The following PATL2 variants were observed in gnomAD, a reference collection of about 807,000 sequenced individuals.
PATL2 encodes PAT1 homolog 2, also known as protein PAT1 homolog 2.
In PATL2, 73 loss-of-function variants were observed where a neutral mutation model predicts 77.0. The ratio of observed to expected loss-of-function variants is 0.95; its 90% CI spans 0.78 to 1.15. The LOEUF (loss-of-function observed/expected upper bound fraction) is 1.15. Ranked by LOEUF, PATL2 falls within the 50% of genes most tolerant of loss-of-function variation. The pLI, the probability that PATL2 is intolerant of heterozygous loss-of-function variation, is 0.00. For missense variants in PATL2, 618 were observed against 655.4 expected, an observed-to-expected ratio of 0.94 and a Z score of 0.62; for synonymous variants, 265 against 257.1, an observed-to-expected ratio of 1.03 and a Z score of -0.29.
At chr15:44,710,338 C>T (rs2086829829) in intron 2 of PATL2, among the ~76,000 whole-genome samples, 124 bp from the exon 3 acceptor site, 1 of 152,172 alleles carries the variant, frequency 6.6e-6, no homozygotes, top group Non-Finnish European at 1.5e-5. Context: ...CGCCATGGTC[C>T]ACTTCCTCTT....
chr15:44,707,900 G>A (rs1393279621), intron 3 of PATL2, among the ~76,000 whole-genome samples: 1 of 152,224 alleles, frequency 6.6e-6, no homozygotes, highest in Non-Finnish European at 1.5e-5. Context: ...CTGGAACTCA[G>A]GTTCCCACTG....
Position 44,666,482 on chromosome 15 carries a change from G to C in PATL2, c.1523C>G (p.Ala508Gly). Residue 508 changes from alanine (A) to glycine (G), a missense_variant, in exon 17 of 18, where the codon GCA (alanine) becomes GGA (glycine). Transcript: ENST00000682850. ...GTTGCTGGGGAAAGCTAGGGGTTCT[G>C]CCAGAGAGGCTGTAGGCATTTGGGC... is the stretch of plus-strand genomic sequence containing the variant. ...EIAQMPTASL[A>G]EPLAFPSNLL... 1 of 1,551,672 alleles carries C rather than the reference G, an allele frequency of 6.4e-7. No individual in the cohort carries two copies. Among genetic ancestry groups the C allele is most frequent in the Middle Eastern group, 1.7e-4 (1 of 5,986 alleles).
At chr15:44,678,485 C>G (rs1310407634) in intron 3 of PATL2, among the ~76,000 whole-genome samples, 1 of 152,154 alleles carries the variant, frequency 6.6e-6, no homozygotes, top group Non-Finnish European at 1.5e-5. Flanking sequence ...CATATGTCTA[C>G]TGATCCCCTA....
chr15:44,676,428 T>A, intron 4 of PATL2, 47 bp downstream of exon 4: 1 of 1,466,438 alleles, frequency 6.8e-7, no homozygotes, highest in Non-Finnish European at 9.4e-7. Context: ...CAGCAACCTC[T>A]GCATGCTGGG....
intron 3 of PATL2, among the ~76,000 whole-genome samples, chr15:44,693,282 T>C (rs186964229): frequency 7.2e-5 from 11 of 152,294 alleles, no homozygotes; most frequent in Non-Finnish European, 1.3e-4. Flanking sequence ...CTAACACAAA[T>C]ATGATGGGGC....
chr15:44,673,025 G>T (rs1328014167), intron 7 of PATL2, among the ~76,000 whole-genome samples: 1 of 152,224 alleles, frequency 6.6e-6, no homozygotes, highest in Admixed American at 6.5e-5. Context: ...CTCCCAGAGT[G>T]CTGGGATTAC....
At chr15:44,685,144 T>A (rs1392774471) in intron 3 of PATL2, among the ~76,000 whole-genome samples, 1 of 152,122 alleles carries the variant, frequency 6.6e-6, no homozygotes, top group African/African-American at 2.4e-5. Context: ...TGCAAAAACA[T>A]ACCAAATTGT....
intron 3 of PATL2, among the ~76,000 whole-genome samples, chr15:44,680,604 T>C (rs1438822302): frequency 6.6e-6 from 1 of 152,192 alleles, no homozygotes; most frequent in Non-Finnish European, 1.5e-5. Flanking sequence ...TTTTCCCCTT[T>C]CTTTTTCTTA....
intron 3 of PATL2, among the ~76,000 whole-genome samples, chr15:44,699,036 A>G (rs2086573668): frequency 6.6e-6 from 1 of 152,166 alleles, no homozygotes; most frequent in African/African-American, 2.4e-5. Flanking sequence ...TGCCATTTGT[A>G]TGTCTTCTTT....
At position 44,672,227 on chromosome 15, in the gene PATL2, G is replaced by C. The variant is rs1446439162; in HGVS notation, c.516-71C>G. The C allele has an allele frequency of 8.4e-6, 13 of 1,549,188 alleles. No homozygotes were observed. In the Admixed American group the frequency reaches 2.6e-4, roughly 30 times the overall value. ...ACTTCCTAAGGAGTGTGGTGAGCAGGAAGTGGGGCTCTCTGGGAAGGATGG... is the reference window on the plus strand; with the variant it reads ...ACTTCCTAAGGAGTGTGGTGAGCAGCAAGTGGGGCTCTCTGGGAAGGATGG... On this transcript the variant is annotated intron_variant, in intron 8 of 17. Coordinates refer to ENST00000682850, the MANE Select transcript of PATL2 (RefSeq NM_001387263.1).
At chr15:44,668,249 TTG>T in intron 15 of PATL2, 91 bp downstream of exon 15, 1 of 1,376,928 alleles carries the variant, frequency 7.3e-7, no homozygotes, top group Admixed American at 2.7e-5. Context: ...AGGATAAGAT[TTG>T]TGTAGAGATG....
intron 3 of PATL2, 133 bp from the exon 4 acceptor site, chr15:44,676,698 T>C (rs1595971765): frequency 9.4e-6 from 11 of 1,166,670 alleles, no homozygotes; most frequent in Non-Finnish European, 8.1e-6. Context: ...AGAGAGACCC[T>C]GGGGTCTCAG....
At chr15:44,698,393 G>A (rs531548104) in intron 3 of PATL2, among the ~76,000 whole-genome samples, 9 of 150,812 alleles carry the variant, frequency 6.0e-5, no homozygotes, top group African/African-American at 1.5e-4. Context: ...TCCCTCCCCC[G>A]ACTACTCTTC....
In PATL2 at chr15:44,684,532, C is replaced by T. The variant is rs548959195; in HGVS notation, c.-75-7967G>A. Among the ~76,000 whole-genome samples the T allele has an allele frequency of 1.8e-3, 265 of 150,422 alleles. 2 individuals are homozygous for T. The highest frequency in any genetic ancestry group is 6.2e-3 in the African/African-American group (253 of 40,864). On this transcript the variant is annotated intron_variant, in intron 3 of 17. Transcript: ENST00000682850. ...ATCAGCTTAATGAAATAAAGCAAGA[C>T]GACAAGATTAGAAAAAAAAAATGAA...
intron 3 of PATL2, among the ~76,000 whole-genome samples, chr15:44,697,035 CT>C (rs2086518068): frequency 6.6e-6 from 1 of 152,242 alleles, no homozygotes; most frequent in Non-Finnish European, 1.5e-5. Flanking sequence ...CCAAGAGGTA[CT>C]TTGGAGCAGG....
At position 44,671,365 on chromosome 15, in the gene PATL2, T is replaced by C. The variant is rs182080921; in HGVS notation, c.657+650A>G. Among the ~76,000 whole-genome samples, 272 of 152,178 alleles carry C rather than the reference T, an allele frequency of 1.8e-3. 3 individuals are homozygous for C. Among genetic ancestry groups the C allele is most frequent in the African/African-American group, 6.2e-3 (256 of 41,510 alleles). The stretch of plus-strand genomic sequence containing the variant: ...TTAGCTGCGTATGGTGGTGCATGCC[T>C]GTGATCCCAGGTACTTGGGAGGCTG... On this transcript the variant is annotated intron_variant, in intron 9 of 17. Transcript: ENST00000682850.
At chr15:44,690,211 A>T (rs2086358994) in intron 3 of PATL2, among the ~76,000 whole-genome samples, 2 of 152,202 alleles carry the variant, frequency 1.3e-5, no homozygotes, top group Non-Finnish European at 2.9e-5. Flanking sequence ...AGTGTTTTCT[A>T]AATGTAAAGA....
chr15:44,691,398 C>A (rs1321296118), intron 3 of PATL2, among the ~76,000 whole-genome samples: 1 of 152,182 alleles, frequency 6.6e-6, no homozygotes, highest in Non-Finnish European at 1.5e-5. Context: ...TGGCTCATGC[C>A]TGTAATCCCA....
chr15:44,676,433 G>T, intron 4 of PATL2, 42 bp downstream of exon 4: 1 of 1,494,448 alleles, frequency 6.7e-7, no homozygotes, highest in Non-Finnish European at 9.1e-7. Context: ...ACCTCTGCAT[G>T]CTGGGGCATT....
Sources: allele counts gnomAD v4.1 joint callset (sites outside exome capture counted in the v4.1 genomes callset), GRCh38; gene constraint gnomAD v4.1.1; transcripts MANE v1.5; gene names NCBI Gene and HGNC (gene_info 2026-07-23, HGNC 2026-07-21).